Variants in RERE observed in about 807,000 individuals in gnomAD.
The protein encoded by RERE is arginine-glutamic acid dipeptide repeats protein.
Under a neutral mutation model 146.1 loss-of-function variants are expected in RERE, and 40 were observed. The ratio of observed to expected loss-of-function variants is 0.27; its 90% CI spans 0.21 to 0.36. The LOEUF is 0.36. Ranked by LOEUF, RERE falls within the 10% of genes least tolerant of loss-of-function variation. RERE has a pLI of 1.00. For missense variants in RERE, 1,933 were observed against 2,138.7 expected (o/e 0.90, Z 1.90); for synonymous variants, 1,003 against 866.0 (o/e 1.16, Z -2.78).
intron 10 of RERE, among the ~76,000 whole-genome samples, chr1:8,492,510 C>T (rs928605908): frequency 5.3e-5 from 8 of 152,120 alleles, no homozygotes; most frequent in African/African-American, 1.9e-4. Flanking sequence ...GTAATCCTAG[C>T]ACTTTGGGAG....
intron 1 of RERE, among the ~76,000 whole-genome samples, chr1:8,666,704 T>A (rs1638583338): frequency 6.6e-6 from 1 of 152,254 alleles, no homozygotes; most frequent in Non-Finnish European, 1.5e-5. Flanking sequence ...CAGATGAAGC[T>A]GCAAGATATC....
chr1:8,579,365 T>A (rs1387754578), intron 4 of RERE, among the ~76,000 whole-genome samples: 1 of 152,242 alleles, frequency 6.6e-6, no homozygotes, highest in African/African-American at 2.4e-5. Flanking sequence ...TATTACCGTA[T>A]TCTATAATTG....
chr1:8,637,146 A>G (rs1647112013), intron 2 of RERE, among the ~76,000 whole-genome samples: 2 of 152,196 alleles, frequency 1.3e-5, no homozygotes, highest in African/African-American at 4.8e-5. Context: ...AGAATGATCA[A>G]AATAGGTTGA....
intron 7 of RERE, among the ~76,000 whole-genome samples, chr1:8,516,139 T>G (rs985055840): frequency 6.9e-6 from 1 of 145,110 alleles, no homozygotes; most frequent in Non-Finnish European, 1.5e-5. Context: ...GCAGAAAAAT[T>G]GCTCAAACCC....
At chr1:8,357,188 T>G (rs1334509739) in intron 20 of RERE, among the ~76,000 whole-genome samples, 2 of 152,244 alleles carry the variant, frequency 1.3e-5, no homozygotes, top group African/African-American at 4.8e-5. Context: ...TGCCAGCACC[T>G]ACAACTGTGC....
chr1:8,553,431 T>A (rs1645964457), intron 6 of RERE, among the ~76,000 whole-genome samples: 1 of 151,720 alleles, frequency 6.6e-6, no homozygotes, highest in South Asian at 2.1e-4. Context: ...AGCCAGCGTG[T>A]CCACACACAC....
rs869295197 is a variant in RERE at position 8,403,825 on chromosome 1, C to CTT, written c.1284+18900_1284+18901dup. ...TCTATTTTTCTTAATAAAATCTTAG[C>CTT]TTTTTTTTTTTTTTTTTTTTTTTGA... On this transcript the variant is annotated intron_variant, in intron 12 of 22. Transcript: ENST00000400908. 8.2e-3 allele frequency among the ~76,000 whole-genome samples: 584 copies of CTT among 70,836 alleles called. 25 individuals are homozygous for CTT. The highest frequency in any genetic ancestry group is 0.029 in the Middle Eastern group (2 of 70). 46.5% of individuals were successfully genotyped at this position (70,836 alleles called of 152,430 possible).
At chr1:8,780,690 T>C (rs186454793) in intron 1 of RERE, among the ~76,000 whole-genome samples, 1 of 152,296 alleles carries the variant, frequency 6.6e-6, no homozygotes, top group East Asian at 1.9e-4. Context: ...AACAGGATGC[T>C]TACCTCTCTG....
intron 12 of RERE, among the ~76,000 whole-genome samples, chr1:8,373,124 G>A (rs1026225932): frequency 3.9e-5 from 6 of 152,228 alleles, no homozygotes; most frequent in African/African-American, 1.2e-4. Flanking sequence ...ATCCTTGTAC[G>A]CACCTGACCC....
At chr1:8,426,316 T>C (rs1316649168) in intron 11 of RERE, among the ~76,000 whole-genome samples, 2 of 151,966 alleles carry the variant, frequency 1.3e-5, no homozygotes, top group Non-Finnish European at 2.9e-5. Flanking sequence ...TAGCTGGGCA[T>C]GGTGGTGGGC....
intron 11 of RERE, chr1:8,425,144 G>A (rs1643992273): frequency 6.6e-6 from 1 of 152,186 alleles, no homozygotes; most frequent in African/African-American, 2.4e-5. Context: ...CACAGTTCAG[G>A]TATGAGATGA....
intron 11 of RERE, among the ~76,000 whole-genome samples, chr1:8,462,950 G>C (rs1644545460): frequency 6.6e-6 from 1 of 152,130 alleles, no homozygotes; most frequent in Admixed American, 6.5e-5. Flanking sequence ...AGGAAAAAAG[G>C]GGGAGGTAGG....
intron 1 of RERE, among the ~76,000 whole-genome samples, chr1:8,705,733 C>CAGT (rs1639544720): frequency 1.3e-5 from 2 of 152,166 alleles, no homozygotes; most frequent in African/African-American, 4.8e-5. Flanking sequence ...CTGAGGTCAA[C>CAGT]AACACTGCTT....
intron 8 of RERE, 21 bp downstream of exon 8, chr1:8,508,606 A>G (rs1251638103): frequency 6.3e-7 from 1 of 1,580,812 alleles, no homozygotes; most frequent in Non-Finnish European, 8.7e-7. Context: ...CTATTAAGGA[A>G]GCTATGAAAA....
chr1:8,384,157 T>A (rs1010322135), intron 12 of RERE, among the ~76,000 whole-genome samples: 4 of 152,342 alleles, frequency 2.6e-5, no homozygotes, highest in African/African-American at 9.6e-5. Context: ...CACTGCTTCC[T>A]CAGGTCGGGG....
rs1464360144 is a variant in RERE, at chr1:8,353,648, C to T, written c.*1439G>A. 1.3e-5 allele frequency: 2 copies of T among 152,292 alleles called. No individual in the cohort carries two copies. Among genetic ancestry groups the T allele is most frequent in the Non-Finnish European group, 2.9e-5 (2 of 68,088 alleles). 9.4% of individuals were successfully genotyped at this position (152,292 alleles called of 1,614,324 possible). A position where few individuals can be genotyped will look rare whatever the true frequency, so the allele number is the denominator to read the frequency against. ...AAACGAGGGCAGGCTCTCTCCAGGA[C>T]GGTTCCGCTCAGAAGGGCCTGGCCT... On this transcript the variant is annotated 3_prime_UTR_variant, in exon 23 of 23. Transcript: ENST00000400908.
chr1:8,744,342 G>A (rs1640376840), intron 1 of RERE, among the ~76,000 whole-genome samples: 3 of 152,144 alleles, frequency 2.0e-5, no homozygotes, highest in South Asian at 2.1e-4. Flanking sequence ...GGGTAGTAAC[G>A]ATTTACACCA....
chr1:8,518,310 CA>C (rs1051954370), intron 7 of RERE, among the ~76,000 whole-genome samples: 2 of 152,184 alleles, frequency 1.3e-5, no homozygotes, highest in African/African-American at 4.8e-5. Flanking sequence ...GCCTGTGGCC[CA>C]TTCCCAAGGT....
At chr1:8,740,726 AG>A (rs1346107273) in intron 1 of RERE, among the ~76,000 whole-genome samples, 1 of 152,180 alleles carries the variant, frequency 6.6e-6, no homozygotes. Context: ...AGGCATACAC[AG>A]GGTGAGGATC....
Sources: allele counts gnomAD v4.1 joint callset (sites outside exome capture counted in the v4.1 genomes callset), GRCh38; gene constraint gnomAD v4.1.1; transcripts MANE v1.5; gene names NCBI Gene and HGNC (gene_info 2026-07-23, HGNC 2026-07-21).